The following FOXP1 variants were observed in gnomAD, a reference collection of about 807,000 sequenced individuals.
The protein encoded by FOXP1 is forkhead box P1.
Under a neutral mutation model 98.2 loss-of-function variants are expected in FOXP1, and 15 were observed. That is an observed-to-expected ratio of 0.15 (90% CI 0.10 to 0.24). FOXP1 has a LOEUF of 0.24. Ranked by LOEUF, FOXP1 falls within the 10% of genes least tolerant of loss-of-function variation. The probability of loss-of-function intolerance (pLI) is 1.00; values close to 1 mark genes in which losing one functional copy is unlikely to be tolerated. For synonymous variants in FOXP1, 371 were observed against 314.5 expected, an observed-to-expected ratio of 1.18 and a Z score of -1.90; for missense variants, 633 against 848.5, an observed-to-expected ratio of 0.75 and a Z score of 3.15.
At chr3:71,565,054 G>A (rs1054782790) in intron 2 of FOXP1, among the ~76,000 whole-genome samples, 1 of 152,110 alleles carries the variant, frequency 6.6e-6, no homozygotes, top group Non-Finnish European at 1.5e-5. Context: ...AGCCGAGATC[G>A]CACCACTGCA....
intron 2 of FOXP1, among the ~76,000 whole-genome samples, chr3:71,496,841 A>C (rs191252310): frequency 6.6e-6 from 1 of 151,562 alleles, no homozygotes; most frequent in Non-Finnish European, 1.5e-5. Flanking sequence ...CAACAAAAAG[A>C]CAAAAAAAAA....
intron 3 of FOXP1, among the ~76,000 whole-genome samples, chr3:71,378,026 T>A (rs1275463126): frequency 6.6e-6 from 1 of 151,442 alleles, no homozygotes; most frequent in Non-Finnish European, 1.5e-5. Context: ...TAAACAGAAT[T>A]TTGTCAAGAA....
At chr3:71,415,822 A>G (rs2083171954) in intron 3 of FOXP1, among the ~76,000 whole-genome samples, 1 of 152,172 alleles carries the variant, frequency 6.6e-6, no homozygotes. Context: ...CCTCAAAAAG[A>G]ACCTCAGCCC....
chr3:71,249,293 C>A (rs1319381798), intron 5 of FOXP1, among the ~76,000 whole-genome samples: 1 of 152,208 alleles, frequency 6.6e-6, no homozygotes, highest in African/African-American at 2.4e-5. Flanking sequence ...TGGGAATGAA[C>A]CCCAGATCAA....
intron 3 of FOXP1, among the ~76,000 whole-genome samples, chr3:71,432,436 G>A (rs1337042325): frequency 6.6e-6 from 1 of 151,724 alleles, no homozygotes; most frequent in Non-Finnish European, 1.5e-5. Flanking sequence ...CACAATTGAC[G>A]CACCCCTCCC....
chr3:71,316,339 C>A (rs2075072700), intron 4 of FOXP1, among the ~76,000 whole-genome samples: 1 of 152,202 alleles, frequency 6.6e-6, no homozygotes, highest in African/African-American at 2.4e-5. Context: ...CAGAGCCCTG[C>A]TCCAGGGCTA....
chr3:71,423,336 T>G (rs375314052), intron 3 of FOXP1, among the ~76,000 whole-genome samples: 1 of 151,982 alleles, frequency 6.6e-6, no homozygotes, highest in African/African-American at 2.4e-5. Flanking sequence ...GGCTCCAGGC[T>G]CCCACTCCCA....
Position 71,187,916 on chromosome 3 carries a change from A to G in FOXP1, c.180+10286T>C, listed in dbSNP as rs552464037. Among the ~76,000 whole-genome samples, 7 of 152,330 alleles carry G rather than the reference A, an allele frequency of 4.6e-5. No homozygotes were observed. The East Asian group carries it at 1.3e-3, about 29-fold the overall frequency. Reference sequence around the variant, plus strand: ...TTATGTCATTCTCTCCCAGTCTTTAACCTTGTAAAAGGTTGTTGAGTTTGT... The same window carrying G: ...TTATGTCATTCTCTCCCAGTCTTTAGCCTTGTAAAAGGTTGTTGAGTTTGT... On this transcript the variant is annotated intron_variant, in intron 6 of 20. Coordinates refer to ENST00000649528, the MANE Select transcript of FOXP1 (RefSeq NM_001349338.3).
At position 70,955,792 on chromosome 3, in the gene FOXP1, A is replaced by C. The variant is rs2031614935; in HGVS notation, c.*3455T>G. The C allele has an allele frequency of 4.3e-6, 1 of 233,148 alleles. No individual in the cohort carries two copies. Among genetic ancestry groups the C allele is most frequent in the Non-Finnish European group, 8.5e-6 (1 of 117,994 alleles). 14.4% of individuals were successfully genotyped at this position (233,148 alleles called of 1,614,324 possible). A position where few individuals can be genotyped will look rare whatever the true frequency, so the allele number is the denominator to read the frequency against. The stretch of plus-strand genomic sequence containing the variant: ...CAGTGGTAGGATAAACACAAGGGAT[A>C]GGAATGTATCAAAAAACAGATTAAC... On this transcript the variant is annotated 3_prime_UTR_variant, in exon 21 of 21. Transcript: ENST00000649528.
intron 5 of FOXP1, among the ~76,000 whole-genome samples, chr3:71,242,773 A>T (rs2067397603): frequency 6.6e-6 from 1 of 152,192 alleles, no homozygotes; most frequent in Admixed American, 6.5e-5. Flanking sequence ...GGAAAAAAAA[A>T]AAAAAAAGCA....
chr3:71,279,226 A>AAAAG (rs1204305160), intron 5 of FOXP1, among the ~76,000 whole-genome samples: 1 of 151,870 alleles, frequency 6.6e-6, no homozygotes, highest in East Asian at 1.9e-4. Flanking sequence ...ATTGTTCCAG[A>AAAAG]AAAGAGTTGG....
chr3:71,513,715 G>A lies in FOXP1; in HGVS notation c.-297-20160C>T, dbSNP rs566611886. Among the ~76,000 whole-genome samples, 20 of 152,266 alleles carry A rather than the reference G, an allele frequency of 1.3e-4. No homozygotes were observed. The South Asian group carries it at 3.7e-3, about 28-fold the overall frequency. ...CATACCCCAAACTGAATCACTCTGA[G>A]GGCCTGGAGGATAAAGGCACTCAGG... On this transcript the variant is annotated intron_variant, in intron 2 of 20. Transcript: ENST00000649528.
rs937329267 is a variant in FOXP1, at chr3:70,978,128, G to A, written c.1147-99C>T. On this transcript the variant is annotated intron_variant, in intron 14 of 20. Transcript: ENST00000649528. Reference sequence around the variant, plus strand: ...GTAACACAGAGGATGCGTGGGCACCGTTTCTTCCTCTATGTAGATGGTATG... The same window carrying A: ...GTAACACAGAGGATGCGTGGGCACCATTTCTTCCTCTATGTAGATGGTATG... 5.3e-5 allele frequency: 49 copies of A among 929,288 alleles called. 1 individual carries two copies. Among genetic ancestry groups the A allele is most frequent in the Middle Eastern group, 2.6e-4 (1 of 3,856 alleles). The allele number at this position is 929,288 out of a possible 1,614,324, so 57.6% of individuals were successfully genotyped here. A position where few individuals can be genotyped will look rare whatever the true frequency, so the allele number is the denominator to read the frequency against.
At chr3:71,432,405 C>T (rs2084800286) in intron 3 of FOXP1, among the ~76,000 whole-genome samples, 1 of 152,172 alleles carries the variant, frequency 6.6e-6, no homozygotes, top group Non-Finnish European at 1.5e-5. Context: ...TCTGACCTTG[C>T]ACCCCTCCCT....
chr3:71,489,933 G>A (rs184392373), intron 3 of FOXP1, among the ~76,000 whole-genome samples: 8 of 152,236 alleles, frequency 5.3e-5, no homozygotes, highest in African/African-American at 1.7e-4. Context: ...CTCTGACCCT[G>A]GTCTACCAGG....
chr3:71,558,764 A>G (rs1019238466), intron 2 of FOXP1, among the ~76,000 whole-genome samples: 41 of 143,000 alleles, frequency 2.9e-4, no homozygotes, highest in African/African-American at 1.0e-3. Context: ...AAATGCTGGG[A>G]ATCATAGGCA....
At chr3:71,399,708 A>G (rs975964070) in intron 3 of FOXP1, among the ~76,000 whole-genome samples, 3 of 152,126 alleles carry the variant, frequency 2.0e-5, no homozygotes, top group Non-Finnish European at 4.4e-5. Context: ...CATACACCTG[A>G]AATATGTAAG....
At chr3:71,145,436 C>A (rs972772667) in intron 6 of FOXP1, among the ~76,000 whole-genome samples, 1 of 152,140 alleles carries the variant, frequency 6.6e-6, no homozygotes, top group African/African-American at 2.4e-5. Flanking sequence ...ACTAGGGAGG[C>A]TGAGGCTGAG....
intron 6 of FOXP1, among the ~76,000 whole-genome samples, chr3:71,178,944 C>A (rs1185533350): frequency 6.6e-6 from 1 of 150,626 alleles, no homozygotes; most frequent in Non-Finnish European, 1.5e-5. Context: ...GTGGTGCATG[C>A]CTGTAATCCC....
Sources: gnomAD v4.1 joint callset for allele counts (sites outside exome capture counted in the v4.1 genomes callset) on GRCh38, gnomAD v4.1.1 for gene constraint, MANE v1.5 for transcripts, NCBI Gene and HGNC (gene_info 2026-07-23, HGNC 2026-07-21) for gene names.